Variants in TFB1M observed in about 807,000 individuals in gnomAD.
TFB1M encodes transcription factor B1, mitochondrial.
In TFB1M, 27 loss-of-function variants were observed where a neutral mutation model predicts 31.1. The ratio of observed to expected loss-of-function variants is 0.87; its 90% CI spans 0.64 to 1.20. The LOEUF is 1.20. TFB1M is among the 50% of genes most tolerant of loss of function. The pLI, the probability that TFB1M is intolerant of heterozygous loss-of-function variation, is 0.00. For missense variants in TFB1M, 394 were observed against 418.7 expected (o/e 0.94, Z 0.51); for synonymous variants, 166 against 151.8 (o/e 1.09, Z -0.69).
intron 2 of TFB1M, among the ~76,000 whole-genome samples, chr6:155,301,195 A>T (rs2114788818): frequency 6.6e-6 from 1 of 152,276 alleles, no homozygotes; most frequent in Non-Finnish European, 1.5e-5. Flanking sequence ...CCACACTTTA[A>T]AAGGTACACC....
In TFB1M at chr6:155,278,929, C is replaced by T. The variant is rs547168980; in HGVS notation, c.666+6229G>A. ...GTTCTTAGTCTAATCCAGTGGCTCT[C>T]CCTGGGGTGAGTTTAGCCTGCAGGG... On this transcript the variant is annotated intron_variant, in intron 5 of 6. Coordinates refer to ENST00000367166, the MANE Select transcript of TFB1M (RefSeq NM_016020.4). Among the ~76,000 whole-genome samples the T allele has an allele frequency of 2.6e-5, 4 of 152,208 alleles. No individual in the cohort carries two copies. The East Asian group carries it at 5.8e-4, about 22-fold the overall frequency.
the TFB1M span, chr6:155,244,220 T>A: frequency 1.2e-6 from 1 of 805,932 alleles, no homozygotes; most frequent in Non-Finnish European, 2.0e-6. Context: ...GTCCCAGGCA[T>A]AGCCTCCTCC....
chr6:155,247,103 G>C, the TFB1M span, among the ~76,000 whole-genome samples: 1 of 152,244 alleles, frequency 6.6e-6, no homozygotes, highest in Non-Finnish European at 1.5e-5. Context: ...TGCGAAAGGT[G>C]AATCTGCTTG....
chr6:155,299,337 T>C (rs1777326591), intron 2 of TFB1M, among the ~76,000 whole-genome samples: 1 of 152,178 alleles, frequency 6.6e-6, no homozygotes, highest in South Asian at 2.1e-4. Context: ...TTCCACCTAC[T>C]CTACCACCAC....
At chr6:155,254,156 A>C, downstream of TFB1M, 1 of 1,338,724 alleles carries the variant, frequency 7.5e-7, no homozygotes. Context: ...AATTTTGATG[A>C]TATCAGGGTC....
the TFB1M span, among the ~76,000 whole-genome samples, chr6:155,235,706 C>T: frequency 1.3e-5 from 2 of 152,218 alleles, no homozygotes; most frequent in African/African-American, 4.8e-5. Context: ...AGGTGGCTTT[C>T]TAGCACTTGA....
chr6:155,271,544 T>C, intron 5 of TFB1M, among the ~76,000 whole-genome samples: 1 of 152,266 alleles, frequency 6.6e-6, no homozygotes, highest in East Asian at 1.9e-4. Context: ...TTTCTTTTAT[T>C]GAAAAAAATA....
At chr6:155,268,986 TAA>T (rs34268254) in intron 5 of TFB1M, among the ~76,000 whole-genome samples, 3,643 of 128,354 alleles carry the variant, frequency 0.028, 122 homozygotes, top group African/African-American at 0.078. Flanking sequence ...ATTAAAAAAT[TAA>T]AAAAAAAAAA....
At chr6:155,272,630 C>T (rs936622890) in intron 5 of TFB1M, among the ~76,000 whole-genome samples, 2 of 152,038 alleles carry the variant, frequency 1.3e-5, no homozygotes, top group Non-Finnish European at 2.9e-5. Flanking sequence ...GAGGGTAAAG[C>T]GCAATGCAGC....
the TFB1M span, among the ~76,000 whole-genome samples, chr6:155,241,518 C>T: frequency 6.6e-6 from 1 of 152,156 alleles, no homozygotes; most frequent in South Asian, 2.1e-4. Flanking sequence ...CTCTAAATGT[C>T]TTCCAACTCT....
chr6:155,286,497 GTGTGTATATATA>G (rs1776636124), intron 4 of TFB1M, among the ~76,000 whole-genome samples: 1 of 139,424 alleles, frequency 7.2e-6, no homozygotes, highest in Non-Finnish European at 1.5e-5. Context: ...GTATATATAT[GTGTGTATATATA>G]TGTGTGTATA....
the TFB1M span, among the ~76,000 whole-genome samples, chr6:155,237,910 T>C: frequency 6.6e-6 from 1 of 152,260 alleles, no homozygotes; most frequent in South Asian, 2.1e-4. Flanking sequence ...TTTTCATCAT[T>C]GTCTTGGGGA....
At position 155,257,746 on chromosome 6, in the gene TFB1M, G is replaced by C; in HGVS notation, c.*90C>G. On this transcript the variant is annotated 3_prime_UTR_variant, in exon 7 of 7. Coordinates refer to ENST00000367166, the MANE Select transcript of TFB1M (RefSeq NM_016020.4). ...ACATCTGGTCATTGGCATTTGTATC[G>C]TCATTCTGTAAAGACAAAAGAGTAC... 1 of 1,502,918 alleles carries C rather than the reference G, an allele frequency of 6.7e-7. No homozygotes were observed. The highest frequency in any genetic ancestry group is 9.1e-7 in the Non-Finnish European group (1 of 1,097,148). The allele number at this position is 1,502,918 out of a possible 1,614,324, so 93.1% of individuals were successfully genotyped here. A position where few individuals can be genotyped will look rare whatever the true frequency, so the allele number is the denominator to read the frequency against.
the TFB1M span, chr6:155,248,009 A>G: frequency 6.2e-7 from 1 of 1,614,036 alleles, no homozygotes; most frequent in African/African-American, 1.3e-5. Context: ...GCTAAAACTG[A>G]CAAAGCCTTC....
chr6:155,261,624 T>C (rs1486011823), intron 5 of TFB1M, among the ~76,000 whole-genome samples: 1 of 149,744 alleles, frequency 6.7e-6, no homozygotes, highest in African/African-American at 2.6e-5. Context: ...GGGAGGTGCC[T>C]GTGGTGCCTG....
the TFB1M span, chr6:155,248,306 C>T: frequency 9.2e-7 from 1 of 1,085,812 alleles, no homozygotes; most frequent in Non-Finnish European, 1.3e-6. Flanking sequence ...CTTTTCAGTT[C>T]TGCGATGGTT....
the TFB1M span, among the ~76,000 whole-genome samples, chr6:155,231,713 G>A: frequency 6.6e-6 from 1 of 152,248 alleles, no homozygotes; most frequent in South Asian, 2.1e-4. Context: ...GCTGCAGCTG[G>A]ATGTGCAGAC....
chr6:155,230,612 T>C, the TFB1M span, among the ~76,000 whole-genome samples: 1 of 152,188 alleles, frequency 6.6e-6, no homozygotes, highest in African/African-American at 2.4e-5. Context: ...AATAATTTTT[T>C]TTAAGTGGTA....
At chr6:155,240,691 A>G in the TFB1M span, 1 of 1,612,710 alleles carries the variant, frequency 6.2e-7, no homozygotes, top group Non-Finnish European at 8.5e-7. Context: ...TTGTGGACAC[A>G]GAGAAGTCCT....
Sources: allele counts gnomAD v4.1 joint callset (sites outside exome capture counted in the v4.1 genomes callset), GRCh38; gene constraint gnomAD v4.1.1; transcripts MANE v1.5; gene names NCBI Gene and HGNC (gene_info 2026-07-23, HGNC 2026-07-21).